The following SLC22A16 variants were observed in gnomAD, a reference collection of about 807,000 sequenced individuals.
SLC22A16 encodes WUGSC:RG331P03.1.
In SLC22A16, 53 loss-of-function variants were observed where a neutral mutation model predicts 52.9. The observed-to-expected ratio is 1.00, with a 90% CI of 0.80 to 1.26. The LOEUF is 1.26. Among genes scored for constraint, SLC22A16 ranks in the 50% most tolerant of loss-of-function variants. The pLI is 0.00. For missense variants in SLC22A16, 726 were observed against 704.0 expected (o/e 1.03, Z -0.35); for synonymous variants, 291 against 268.8 (o/e 1.08, Z -0.81).
At chr6:110,447,838 C>T (rs376115407) in intron 2 of SLC22A16, among the ~76,000 whole-genome samples, 3 of 152,210 alleles carry the variant, frequency 2.0e-5, no homozygotes, top group East Asian at 3.8e-4. Context: ...TGTATTAGCA[C>T]TTCATTCCTT....
chr6:110,475,889 C>A, intron 1 of SLC22A16: 1 of 456,546 alleles, frequency 2.2e-6, no homozygotes. Flanking sequence ...GGCTATGAGT[C>A]CTTGACCCCG....
chr6:110,448,196 G>T (rs139297581), intron 2 of SLC22A16, among the ~76,000 whole-genome samples: 63 of 152,242 alleles, frequency 4.1e-4, no homozygotes, highest in African/African-American at 1.4e-3. Context: ...CAGCCCAATG[G>T]CTGTGAAGTA....
intron 1 of SLC22A16, chr6:110,476,278 A>T (rs1776472930): frequency 8.0e-7 from 1 of 1,253,574 alleles, no homozygotes; most frequent in African/African-American, 1.5e-5. Context: ...CTGCCCGGCA[A>T]CAGGCGCACT....
intron 2 of SLC22A16, among the ~76,000 whole-genome samples, chr6:110,450,795 A>G (rs1256055091): frequency 6.6e-6 from 1 of 152,094 alleles, no homozygotes; most frequent in East Asian, 1.9e-4. Context: ...CAAGAATAAT[A>G]AAAAATCAAA....
intron 1 of SLC22A16, among the ~76,000 whole-genome samples, chr6:110,475,331 T>G (rs1281936444): frequency 1.3e-5 from 2 of 152,138 alleles, no homozygotes; most frequent in Non-Finnish European, 2.9e-5. Flanking sequence ...GCAGAAACCT[T>G]GGTTTTCTCA....
Position 110,438,832 on chromosome 6 carries a change from G to A in SLC22A16, c.1199C>T (p.Pro400Leu), listed in dbSNP as rs1402734273. The change falls in exon 5 of 8, where the codon CCC becomes CTC. Residue 400 changes from proline to leucine, a missense_variant. Coordinates refer to ENST00000368919, the MANE Select transcript of SLC22A16 (RefSeq NM_033125.4). ...NLFLLGVVEIPAYTFVCIAMD... is the reference protein window; with the variant it reads ...NLFLLGVVEILAYTFVCIAMD... ...GGCGATGCACACGAAGGTGTAGGCG[G>A]GAATTTCCACTACACCTGTCATTGA... 1 of 1,613,990 alleles carries A rather than the reference G, an allele frequency of 6.2e-7. No homozygotes were observed.
chr6:110,443,182 AAG>A (rs1268218080), intron 3 of SLC22A16, among the ~76,000 whole-genome samples: 1 of 152,238 alleles, frequency 6.6e-6, no homozygotes, highest in Non-Finnish European at 1.5e-5. Flanking sequence ...AACTAGTGGT[AAG>A]AAAAACTGAT....
intron 1 of SLC22A16, among the ~76,000 whole-genome samples, chr6:110,468,399 C>G (rs1008255135): frequency 1.6e-4 from 24 of 152,224 alleles, no homozygotes; most frequent in Admixed American, 1.4e-3. Context: ...AATCCCAACA[C>G]TTTGGGAGGC....
chr6:110,444,177 AT>A (rs1238938955), intron 3 of SLC22A16, among the ~76,000 whole-genome samples: 2 of 152,224 alleles, frequency 1.3e-5, no homozygotes, highest in Non-Finnish European at 2.9e-5. Context: ...TATTTTGGAA[AT>A]ATGACTATCT....
chr6:110,444,807 T>C (rs1049588264), intron 3 of SLC22A16, among the ~76,000 whole-genome samples: 1 of 152,226 alleles, frequency 6.6e-6, no homozygotes, highest in Non-Finnish European at 1.5e-5. Flanking sequence ...GGACCCTACA[T>C]CTAACAATCC....
intron 1 of SLC22A16, among the ~76,000 whole-genome samples, chr6:110,462,669 G>A (rs111635311): frequency 6.6e-6 from 1 of 152,100 alleles, no homozygotes; most frequent in Non-Finnish European, 1.5e-5. Context: ...GTAATCCTGA[G>A]AGAGAAGAAG....
intron 7 of SLC22A16, among the ~76,000 whole-genome samples, chr6:110,427,545 C>CAT (rs141748970): frequency 3.2e-4 from 49 of 151,146 alleles, no homozygotes; most frequent in South Asian, 1.3e-3. Context: ...TTACTGCATG[C>CAT]ATATATATAT....
chr6:110,442,448 A>G lies in SLC22A16; in HGVS notation c.979T>C (p.Ser327Pro), dbSNP rs770380279. ...CTAACAGGACCTTGTAGGTCCAGTG[A>G]TAAAAGTTCTGACAGTTTACAGGAG... ...ASSCKLSELLSLDLQGPVSNS... is the reference protein window; with the variant it reads ...ASSCKLSELLPLDLQGPVSNS... Residue 327 changes from serine to proline, a missense_variant, in exon 4 of 8, where the codon TCA (serine) becomes CCA (proline). By Grantham distance (74) the Ser-to-Pro change is moderately conservative. Transcript: ENST00000368919. 155 of 1,614,138 alleles carry G rather than the reference A, an allele frequency of 9.6e-5. No individual in the cohort carries two copies. The highest frequency in any genetic ancestry group is 1.3e-4 in the Non-Finnish European group (148 of 1,180,056).
chr6:110,473,483 T>C (rs1388378051), intron 1 of SLC22A16, among the ~76,000 whole-genome samples: 1 of 145,270 alleles, frequency 6.9e-6, no homozygotes, highest in Admixed American at 7.0e-5. Context: ...TCAGGTATCC[T>C]GTTTTCCCTT....
chr6:110,467,431 A>G (rs1263576555), intron 1 of SLC22A16, among the ~76,000 whole-genome samples: 1 of 152,162 alleles, frequency 6.6e-6, no homozygotes, highest in Non-Finnish European at 1.5e-5. Context: ...CTATTTCTCT[A>G]CCAAACCAAC....
intron 2 of SLC22A16, among the ~76,000 whole-genome samples, chr6:110,454,765 TATATATAAATATATATAA>T (rs1232228934): frequency 3.5e-5 from 2 of 57,820 alleles, no homozygotes; most frequent in East Asian, 7.2e-4. Flanking sequence ...TATACATTTA[TATATATAAATATATATAA>T]ATATATAAAT....
intron 1 of SLC22A16, among the ~76,000 whole-genome samples, chr6:110,463,514 TAAAA>T (rs386408237): frequency 5.6e-5 from 3 of 53,270 alleles, no homozygotes; most frequent in Admixed American, 2.7e-4. Context: ...GTAACAACAG[TAAAA>T]AAAAAAAAAA....
In SLC22A16 at chr6:110,438,714, A is replaced by T. The variant is rs1222640810; in HGVS notation, c.1311+6T>A. On this transcript the variant is annotated splice_donor_region_variant and intron_variant, in intron 5 of 7. Transcript: ENST00000368919. ...ACTGTCTTATAAAAAACAGAAGATA[A>T]CTCACCTGGGGGATCACCATAACGA... is the stretch of plus-strand genomic sequence containing the variant. 1 of 1,608,690 alleles carries T rather than the reference A, an allele frequency of 6.2e-7. No individual in the cohort carries two copies. The highest frequency in any genetic ancestry group is 8.5e-7 in the Non-Finnish European group (1 of 1,178,152).
intron 1 of SLC22A16, among the ~76,000 whole-genome samples, chr6:110,467,139 T>C (rs776450936): frequency 6.6e-5 from 10 of 152,198 alleles, no homozygotes; most frequent in Admixed American, 1.3e-4. Context: ...TTCTCACATT[T>C]TGAGACCTGC....
Sources: allele counts gnomAD v4.1 joint callset (sites outside exome capture counted in the v4.1 genomes callset), GRCh38; gene constraint gnomAD v4.1.1; transcripts MANE v1.5; gene names NCBI Gene and HGNC (gene_info 2026-07-23, HGNC 2026-07-21).